WDR7: variants seen among roughly 807,000 people sequenced by gnomAD.
The protein encoded by WDR7 is WD repeat domain 7, also known as WD repeat-containing protein 7.
A neutral mutation model predicts 169.4 loss-of-function variants in WDR7; 46 were observed. The observed-to-expected ratio is 0.27, with a 90% CI of 0.21 to 0.35. The LOEUF is 0.35. WDR7 is among the 10% of genes least tolerant of loss of function. The probability of loss-of-function intolerance (pLI) is 1.00; values close to 1 mark genes in which losing one functional copy is unlikely to be tolerated. For synonymous variants in WDR7, 612 were observed against 666.8 expected (o/e 0.92, Z 1.27); for missense variants, 1,534 against 1,859.3 (o/e 0.83, Z 3.22).
chr18:56,735,948 C>T (rs899799714), intron 14 of WDR7, among the ~76,000 whole-genome samples: 5 of 152,082 alleles, frequency 3.3e-5, no homozygotes, highest in Non-Finnish European at 7.4e-5. Context: ...GTTAATATCA[C>T]GATCGTAAGT....
At chr18:56,852,648 G>A (rs1406487576) in intron 20 of WDR7, among the ~76,000 whole-genome samples, 2 of 151,940 alleles carry the variant, frequency 1.3e-5, no homozygotes, top group African/African-American at 4.8e-5. Flanking sequence ...CTGTTCTGGG[G>A]CCACGTTAGT....
At chr18:56,985,079 C>A (rs1052461069) in intron 26 of WDR7, among the ~76,000 whole-genome samples, 1 of 152,138 alleles carries the variant, frequency 6.6e-6, no homozygotes, top group Non-Finnish European at 1.5e-5. Context: ...GCTCTGGGAG[C>A]CAACTGATTC....
intron 21 of WDR7, among the ~76,000 whole-genome samples, chr18:56,916,379 G>C (rs142892460): frequency 9.1e-4 from 137 of 150,926 alleles, no homozygotes; most frequent in African/African-American, 3.2e-3. Context: ...TTGGTTTTCT[G>C]TCCTTGCGAT....
chr18:56,891,668 A>G (rs151323695), intron 21 of WDR7, among the ~76,000 whole-genome samples: 4 of 152,208 alleles, frequency 2.6e-5, no homozygotes, highest in Admixed American at 2.0e-4. Context: ...TATCTGTCCT[A>G]TAAACACTCT....
chr18:56,801,598 C>T (rs1395349711), intron 19 of WDR7, among the ~76,000 whole-genome samples: 3 of 152,128 alleles, frequency 2.0e-5, no homozygotes, highest in South Asian at 4.1e-4. Context: ...CTTATATAGC[C>T]TCTTTGTAAT....
chr18:56,906,741 C>T (rs2046482815), intron 21 of WDR7, among the ~76,000 whole-genome samples: 1 of 152,088 alleles, frequency 6.6e-6, no homozygotes, highest in South Asian at 2.1e-4. Context: ...AGGATTTCAC[C>T]ATGTTGGCCA....
In WDR7 at chr18:57,017,477, C is replaced by CTGTGTGTGTG. The variant is rs57440164; in HGVS notation, c.4165-3233_4165-3224dup. ...GTGTGCTGTTCTTATCCAAGTCATGCTGTGTGTGTGTGTGTGTGTGTGTGT... is the reference window on the plus strand; with the variant it reads ...GTGTGCTGTTCTTATCCAAGTCATGCTGTGTGTGTGTGTGTGTGTGTGTGTGTGTGTGTGT... On this transcript the variant is annotated intron_variant, in intron 26 of 27. Coordinates refer to ENST00000254442, the MANE Select transcript of WDR7 (RefSeq NM_015285.3). Among the ~76,000 whole-genome samples, 300 of 134,810 alleles carry CTGTGTGTGTG rather than the reference C, an allele frequency of 2.2e-3. 2 individuals are homozygous for CTGTGTGTGTG. Among genetic ancestry groups the CTGTGTGTGTG allele is most frequent in the Middle Eastern group, 3.8e-3 (1 of 266 alleles). The allele number at this position is 134,810 out of a possible 152,430, so 88.4% of individuals were successfully genotyped here. A position where few individuals can be genotyped will look rare whatever the true frequency, so the allele number is the denominator to read the frequency against.
At chr18:57,034,394 T>G (rs1169178909), downstream of WDR7, 1 of 151,976 alleles carries the variant, frequency 6.6e-6, no homozygotes, top group Non-Finnish European at 1.5e-5. Flanking sequence ...CCGAGAACAC[T>G]GCTCCATAAA....
At chr18:56,811,356 T>C (rs2044866030) in intron 19 of WDR7, among the ~76,000 whole-genome samples, 1 of 152,194 alleles carries the variant, frequency 6.6e-6, no homozygotes, top group South Asian at 2.1e-4. Context: ...TTGTTTACTC[T>C]TGAGTTTTGA....
At chr18:56,955,060 C>T (rs2047233117) in intron 25 of WDR7, among the ~76,000 whole-genome samples, 1 of 152,040 alleles carries the variant, frequency 6.6e-6, no homozygotes, top group South Asian at 2.1e-4. Flanking sequence ...TTAAGAAACT[C>T]CTCCAAATCT....
intron 26 of WDR7, among the ~76,000 whole-genome samples, chr18:57,002,459 G>A (rs2047997030): frequency 6.6e-6 from 1 of 152,096 alleles, no homozygotes; most frequent in Non-Finnish European, 1.5e-5. Context: ...TTTTTGTTAA[G>A]TATCCAGGAA....
At chr18:56,938,226 C>T (rs1330503767) in intron 23 of WDR7, among the ~76,000 whole-genome samples, 1 of 152,188 alleles carries the variant, frequency 6.6e-6, no homozygotes, top group Non-Finnish European at 1.5e-5. Context: ...CATCTGCCAA[C>T]TTCTGTCTAC....
intron 1 of WDR7, among the ~76,000 whole-genome samples, chr18:56,652,271 G>T (rs1190839395): frequency 6.6e-6 from 1 of 152,186 alleles, no homozygotes; most frequent in Admixed American, 6.5e-5. Flanking sequence ...CGCATGACAG[G>T]CTGCATTGAT....
intron 11 of WDR7, among the ~76,000 whole-genome samples, chr18:56,695,500 C>G (rs574017989): frequency 2.6e-5 from 4 of 151,286 alleles, no homozygotes; most frequent in Non-Finnish European, 5.9e-5. Flanking sequence ...ACCAGTAATT[C>G]TGAAAATCCT....
chr18:56,926,409 G>T (rs2046809314), intron 22 of WDR7, among the ~76,000 whole-genome samples: 4 of 152,150 alleles, frequency 2.6e-5, no homozygotes. Context: ...ACTTAATTTT[G>T]GAGCTTATTT....
rs534511878 is a variant in WDR7 at position 56,910,741 on chromosome 18, G to T, written c.3527-13181G>T. On this transcript the variant is annotated intron_variant, in intron 21 of 27. Coordinates refer to ENST00000254442, the MANE Select transcript of WDR7 (RefSeq NM_015285.3). ...TGCTTCTTTTTTGTCTTAAATGAAT[G>T]TAAATTATCTAAGATTTTTAATTGT... Among the ~76,000 whole-genome samples, 15 of 152,234 alleles carry T rather than the reference G, an allele frequency of 9.9e-5. No homozygotes were observed. In the South Asian group the frequency reaches 3.1e-3, roughly 32 times the overall value.
intron 26 of WDR7, among the ~76,000 whole-genome samples, chr18:57,019,329 ATAT>A (rs1349523019): frequency 2.0e-5 from 3 of 152,180 alleles, no homozygotes; most frequent in Non-Finnish European, 4.4e-5. Flanking sequence ...TTTGAGTTAG[ATAT>A]TATCATTATC....
In WDR7 at chr18:56,682,837, A is replaced by C; in HGVS notation, c.504A>C (p.Arg168=). Residue 168 remains arginine (R), a synonymous_variant, in exon 5 of 28, where the codon CGA becomes CGC. Coordinates refer to ENST00000254442, the MANE Select transcript of WDR7 (RefSeq NM_015285.3). ...GGATTAGCTCCATGAGTATTATTCG[A>C]TCCCACCGAACACAAGGTCAGTGTA... ...PDWISSMSII[R]SHRTQEDTVV... is the part of the protein sequence containing the mutation. 6.2e-7 allele frequency: 1 copy of C among 1,613,424 alleles called. No individual in the cohort carries two copies.
intron 12 of WDR7, among the ~76,000 whole-genome samples, chr18:56,702,308 T>C (rs1019934170): frequency 2.0e-5 from 3 of 152,212 alleles, no homozygotes; most frequent in African/African-American, 7.2e-5. Flanking sequence ...GAGTCTATTG[T>C]CCAAGATCCA....
Sources: gnomAD v4.1 joint callset for allele counts (sites outside exome capture counted in the v4.1 genomes callset) on GRCh38, gnomAD v4.1.1 for gene constraint, MANE v1.5 for transcripts, NCBI Gene and HGNC (gene_info 2026-07-23, HGNC 2026-07-21) for gene names.